Variants in ACAA2 observed in about 807,000 individuals in gnomAD.
ACAA2 encodes the protein acetyl-CoA acyltransferase 2, also known as 3-ketoacyl-CoA thiolase, mitochondrial.
Under a neutral mutation model 44.8 loss-of-function variants are expected in ACAA2, and 35 were observed. That is an observed-to-expected ratio of 0.78 (90% CI 0.60 to 1.04). ACAA2 has a LOEUF of 1.04. Ranked by LOEUF, ACAA2 falls within the 50% of genes least tolerant of loss-of-function variation. The pLI is 0.00. For missense variants in ACAA2, 468 were observed against 482.6 expected, an observed-to-expected ratio of 0.97 and a Z score of 0.28; for synonymous variants, 142 against 166.5, an observed-to-expected ratio of 0.85 and a Z score of 1.13.
intron 7 of ACAA2, among the ~76,000 whole-genome samples, chr18:49,788,290 T>G (rs779494760): frequency 6.6e-6 from 1 of 152,260 alleles, no homozygotes; most frequent in Non-Finnish European, 1.5e-5. Context: ...TAGTATGTTC[T>G]GCTGAATTCA....
chr18:49,798,261 G>GCC (rs2023487798), intron 2 of ACAA2, among the ~76,000 whole-genome samples: 1 of 152,198 alleles, frequency 6.6e-6, no homozygotes, highest in Non-Finnish European at 1.5e-5. Context: ...TACTTAGGGA[G>GCC]AAGACAGATG....
rs374190473 is a variant in ACAA2 at position 49,787,663 on chromosome 18, A to G, written c.884-302T>C. Among the ~76,000 whole-genome samples, 155 of 152,172 alleles carry G rather than the reference A, an allele frequency of 1.0e-3. 2 individuals are homozygous for G. The South Asian group carries it at 0.02, about 20-fold the overall frequency. ...ATCTCTAAAAAAGAAAAAAAATAAT[A>G]ATAAAAATAAAATGGAACCAAGGTG... On this transcript the variant is annotated intron_variant, in intron 7 of 9. Coordinates refer to ENST00000285093, the MANE Select transcript of ACAA2 (RefSeq NM_006111.3).
At chr18:49,799,355 C>G (rs537329346) in intron 2 of ACAA2, among the ~76,000 whole-genome samples, 175 of 152,234 alleles carry the variant, frequency 1.1e-3, no homozygotes, top group African/African-American at 4.1e-3. Flanking sequence ...CCTGCGATTG[C>G]AGGCACGCGC....
In ACAA2 at chr18:49,787,272, A is replaced by AG; in HGVS notation, c.954+18_954+19insC. ...TTATTCATGTTGTTAAAAAAAAAAA[A>AG]AAAAAAAAAAACACTTACCTCTACC... On this transcript the variant is annotated intron_variant, in intron 8 of 9. Transcript: ENST00000285093. 2 of 1,356,772 alleles carry AG rather than the reference A, an allele frequency of 1.5e-6. No individual in the cohort carries two copies. The highest frequency in any genetic ancestry group is 1.9e-6 in the Non-Finnish European group (2 of 1,027,496). The allele number at this position is 1,356,772 out of a possible 1,614,324, so 84.0% of individuals were successfully genotyped here.
At position 49,783,945 on chromosome 18, in the gene ACAA2, C is replaced by T. The variant is rs1304515140; in HGVS notation, c.1110-14G>A. 1.9e-6 allele frequency: 3 copies of T among 1,610,938 alleles called. No individual in the cohort carries two copies. Among genetic ancestry groups the T allele is most frequent in the Non-Finnish European group, 2.5e-6 (3 of 1,177,240 alleles). ...CCACCTCGACGCCTGAAAAAGAAAGCAGTGACTGAAATCTACTCTAATAAA... is the reference window on the plus strand; with the variant it reads ...CCACCTCGACGCCTGAAAAAGAAAGTAGTGACTGAAATCTACTCTAATAAA... On this transcript the variant is annotated splice_polypyrimidine_tract_variant and intron_variant, in intron 9 of 9. Coordinates refer to ENST00000285093, the MANE Select transcript of ACAA2 (RefSeq NM_006111.3).
intron 1 of ACAA2, among the ~76,000 whole-genome samples, chr18:49,807,193 G>A (rs1407428977): frequency 1.3e-5 from 2 of 152,102 alleles, no homozygotes; most frequent in African/African-American, 2.4e-5. Flanking sequence ...ATAGGAGTTT[G>A]AAACCAGCCT....
At chr18:49,813,364 C>A in intron 1 of ACAA2, 105 bp downstream of exon 1, 1 of 938,930 alleles carries the variant, frequency 1.1e-6, no homozygotes, top group Non-Finnish European at 1.4e-6. Context: ...GTTGAGTGAA[C>A]TTCACCCCAC....
intron 7 of ACAA2, among the ~76,000 whole-genome samples, chr18:49,788,836 G>C (rs895989213): frequency 1.3e-5 from 2 of 152,072 alleles, no homozygotes; most frequent in East Asian, 1.9e-4. Flanking sequence ...TTATTTACTG[G>C]GACTTCAGGA....
rs1356182267 is a variant in ACAA2, at chr18:49,782,176, C to T, written c.*1671G>A. On this transcript the variant is annotated 3_prime_UTR_variant, in exon 10 of 10. Transcript: ENST00000285093. The stretch of plus-strand genomic sequence containing the variant: ...GTAAAAAACAAAATGTTCTGCAAAA[C>T]ATTGTTTTATTATGAGAAATTATAC... 2 of 152,028 alleles carry T rather than the reference C, an allele frequency of 1.3e-5. No individual in the cohort carries two copies. Among genetic ancestry groups the T allele is most frequent in the African/African-American group, 4.8e-5 (2 of 41,348 alleles). The allele number at this position is 152,028 out of a possible 1,614,324, so 9.4% of individuals were successfully genotyped here. A position where few individuals can be genotyped will look rare whatever the true frequency, so the allele number is the denominator to read the frequency against.
At position 49,782,988 on chromosome 18, in the gene ACAA2, AC is replaced by A. The variant is rs2023284228; in HGVS notation, c.*858del. On this transcript the variant is annotated 3_prime_UTR_variant, in exon 10 of 10. Transcript: ENST00000285093. The stretch of plus-strand genomic sequence containing the variant: ...TACTAGATATCCAGTCTTAGAACAG[AC>A]AAATAAAGCAATGGAAGTGTTGTGG... 6.6e-6 allele frequency: 1 copy of A among 152,236 alleles called. No homozygotes were observed. Among genetic ancestry groups the A allele is most frequent in the Non-Finnish European group, 1.5e-5 (1 of 68,042 alleles). The allele number at this position is 152,236 out of a possible 1,614,324, so 9.4% of individuals were successfully genotyped here. A position where few individuals can be genotyped will look rare whatever the true frequency, so the allele number is the denominator to read the frequency against.
At chr18:49,784,848 A>AAATAGATTTATTTTACTCCT (rs2023308697) in intron 9 of ACAA2, among the ~76,000 whole-genome samples, 1 of 151,980 alleles carries the variant, frequency 6.6e-6, no homozygotes, top group South Asian at 2.1e-4. Flanking sequence ...TTTTTTTCTA[A>AAATAGATTTATTTTACTCCT]AATAGATTTA....
chr18:49,799,416 TG>T (rs2143965648), intron 2 of ACAA2, among the ~76,000 whole-genome samples: 2 of 36,218 alleles, frequency 5.5e-5, no homozygotes, highest in African/African-American at 2.5e-4. Context: ...GGGGTTTCGC[TG>T]TGTTGGCCTG....
chr18:49,794,392 C>T lies in ACAA2; in HGVS notation c.465G>A (p.Gln155=), dbSNP rs371883468. ...TCATTGCCATGGGGAGCTGGACATG[C>T]TGATCTGTTAATGATACCCATAAAG... ...EDSLWVSLTD[Q]HVQLPMAMTA... is the part of the protein sequence containing the mutation. Residue 155 remains glutamine (Q), a synonymous_variant, in exon 5 of 10, where the codon CAG becomes CAA. Transcript: ENST00000285093. The T allele has an allele frequency of 1.6e-5, 25 of 1,608,330 alleles. No homozygotes were observed. The African/African-American group carries it at 3.1e-4, about 20-fold the overall frequency.
At chr18:49,809,320 C>T (rs1419253240) in intron 1 of ACAA2, among the ~76,000 whole-genome samples, 2 of 152,164 alleles carry the variant, frequency 1.3e-5, no homozygotes, top group Admixed American at 1.3e-4. Flanking sequence ...GACGTACATC[C>T]TCAGCTTACG....
rs140012766 is a variant in ACAA2 at position 49,789,637 on chromosome 18, C to T, written c.883+1833G>A. Among the ~76,000 whole-genome samples the T allele has an allele frequency of 2.5e-3, 387 of 152,302 alleles. 2 individuals are homozygous for T. Among genetic ancestry groups the T allele is most frequent in the Non-Finnish European group, 3.7e-3 (252 of 68,026 alleles). On this transcript the variant is annotated intron_variant, in intron 7 of 9. Transcript: ENST00000285093. ...AGTATAAAATAGCCAACCCATGTCA[C>T]ATACATTTGTTTGATCATCAAAAGC...
chr18:49,808,284 C>T (rs1314636751), intron 1 of ACAA2, among the ~76,000 whole-genome samples: 1 of 152,200 alleles, frequency 6.6e-6, no homozygotes, highest in Admixed American at 6.5e-5. Context: ...GCTTGGAAGA[C>T]ACTTTGGCAG....
Position 49,790,565 on chromosome 18 carries a change from G to A in ACAA2, c.883+905C>T, listed in dbSNP as rs576045829. Among the ~76,000 whole-genome samples the A allele has an allele frequency of 4.6e-5, 7 of 152,310 alleles. No homozygotes were observed. In the South Asian group the frequency reaches 1.4e-3, roughly 32 times the overall value. ...GGCAGGCTTTTCCTTACAGTGGGAG[G>A]TTATATGTAGGTGGGATATATCAAA... On this transcript the variant is annotated intron_variant, in intron 7 of 9. Coordinates refer to ENST00000285093, the MANE Select transcript of ACAA2 (RefSeq NM_006111.3).
chr18:49,798,668 A>ACC (rs2023492997), intron 2 of ACAA2, among the ~76,000 whole-genome samples: 1 of 152,172 alleles, frequency 6.6e-6, no homozygotes, highest in Non-Finnish European at 1.5e-5. Flanking sequence ...AATTCGGCAC[A>ACC]TTTATAAGTT....
intron 8 of ACAA2, 37 bp downstream of exon 8, chr18:49,787,254 T>A: frequency 7.6e-7 from 1 of 1,317,516 alleles, no homozygotes; most frequent in South Asian, 1.6e-5. Flanking sequence ...GGTTTATTCA[T>A]GTTGTTAAAA....
Sources: gnomAD v4.1 joint callset for allele counts (sites outside exome capture counted in the v4.1 genomes callset) on GRCh38, gnomAD v4.1.1 for gene constraint, MANE v1.5 for transcripts, NCBI Gene and HGNC (gene_info 2026-07-23, HGNC 2026-07-21) for gene names.